Variants in DNAH12 observed in about 807,000 individuals in gnomAD.
The protein encoded by DNAH12 is dynein axonemal heavy chain 12.
In DNAH12, 285 loss-of-function variants were observed where a neutral mutation model predicts 371.5. The observed-to-expected ratio is 0.77, with a 90% CI of 0.70 to 0.85. The LOEUF is 0.85. DNAH12 is among the 40% of genes least tolerant of loss of function. DNAH12 has a pLI of 0.00. For missense variants in DNAH12, 3,611 were observed against 3,689.4 expected, an observed-to-expected ratio of 0.98 and a Z score of 0.55; for synonymous variants, 1,200 against 1,213.0, an observed-to-expected ratio of 0.99 and a Z score of 0.22.
chr3:57,451,288 G>T (rs942178181), intron 25 of DNAH12, among the ~76,000 whole-genome samples: 3 of 152,200 alleles, frequency 2.0e-5, no homozygotes, highest in African/African-American at 7.2e-5. Flanking sequence ...CCCGTAGGAA[G>T]GGTTGCCAGA....
intron 17 of DNAH12, among the ~76,000 whole-genome samples, chr3:57,464,106 C>G (rs1289789532): frequency 6.6e-6 from 1 of 152,008 alleles, no homozygotes; most frequent in Non-Finnish European, 1.5e-5. Context: ...AGTGGACAAC[C>G]AGCTACCCCA....
At chr3:57,300,919 G>C (rs1254334352) in intron 70 of DNAH12, among the ~76,000 whole-genome samples, 3 of 152,000 alleles carry the variant, frequency 2.0e-5, no homozygotes, top group Non-Finnish European at 2.9e-5. Context: ...GTTTATGCTG[G>C]GGGGAGGGCA....
intron 4 of DNAH12, among the ~76,000 whole-genome samples, chr3:57,514,487 T>C (rs919076747): frequency 8.5e-5 from 13 of 152,070 alleles, no homozygotes. Flanking sequence ...ACATACCTGT[T>C]CATTTTTTAA....
intron 59 of DNAH12, among the ~76,000 whole-genome samples, 157 bp from the exon 60 acceptor site, chr3:57,352,382 T>A (rs1412548117): frequency 2.0e-5 from 3 of 152,152 alleles, no homozygotes; most frequent in Non-Finnish European, 4.4e-5. Context: ...GAAATCTGAA[T>A]AAGCTCTATG....
chr3:57,379,901 G>A (rs2063353592), intron 51 of DNAH12, among the ~76,000 whole-genome samples: 1 of 140,348 alleles, frequency 7.1e-6, no homozygotes, highest in Non-Finnish European at 1.5e-5. Flanking sequence ...TGGAAACAAT[G>A]GAAAAGAACA....
chr3:57,350,210 C>CAG (rs1344434737), intron 60 of DNAH12, among the ~76,000 whole-genome samples: 2 of 151,968 alleles, frequency 1.3e-5, no homozygotes, highest in Admixed American at 1.3e-4. Context: ...ATGGGTGCAC[C>CAG]AAAATCTCAG....
chr3:57,471,367 TA>T (rs1014201833), intron 15 of DNAH12, 104 bp downstream of exon 15: 57 of 1,107,850 alleles, frequency 5.1e-5, no homozygotes, highest in African/African-American at 8.3e-5. Context: ...AGAGTAAACA[TA>T]AAAAAATAGT....
chr3:57,368,977 C>T lies in DNAH12; in HGVS notation c.8760-717G>A, dbSNP rs1043293849. Reference sequence around the variant, plus strand: ...ATGCCAGCGCTTTGGGAGGCCAAGACGGGCAGATCACCCGATGTCAGGAGT... The same window carrying T: ...ATGCCAGCGCTTTGGGAGGCCAAGATGGGCAGATCACCCGATGTCAGGAGT... On this transcript the variant is annotated intron_variant, in intron 55 of 73. Transcript: ENST00000495027. Among the ~76,000 whole-genome samples, 1,070 of 151,952 alleles carry T rather than the reference C, an allele frequency of 7.0e-3. 11 individuals carry two copies. The highest frequency in any genetic ancestry group is 0.024 in the African/African-American group (994 of 41,470).
At chr3:57,329,808 A>C (rs993017617) in intron 62 of DNAH12, among the ~76,000 whole-genome samples, 11 of 147,076 alleles carry the variant, frequency 7.5e-5, no homozygotes, top group African/African-American at 2.8e-4. Flanking sequence ...TTCGCAACCT[A>C]CTTATCTGAC....
At chr3:57,482,846 C>G (rs2066792909) in intron 13 of DNAH12, among the ~76,000 whole-genome samples, 1 of 146,570 alleles carries the variant, frequency 6.8e-6, no homozygotes, top group Admixed American at 7.2e-5. Context: ...ACCGCATGTT[C>G]TCACTCATAG....
chr3:57,432,400 G>A (rs2064985178), intron 32 of DNAH12, among the ~76,000 whole-genome samples: 1 of 149,426 alleles, frequency 6.7e-6, no homozygotes, highest in Non-Finnish European at 1.5e-5. Context: ...GGCTGGTCTC[G>A]AACTCCTGAC....
At chr3:57,452,117 A>C (rs981232280) in intron 25 of DNAH12, among the ~76,000 whole-genome samples, 1 of 152,002 alleles carries the variant, frequency 6.6e-6, no homozygotes, top group Non-Finnish European at 1.5e-5. Flanking sequence ...CTTTCTTCTG[A>C]GGAGGTAAGA....
At chr3:57,444,880 T>TC (rs553011688) in intron 28 of DNAH12, 64 bp from the exon 29 acceptor site, 47,037 of 1,475,822 alleles carry the variant, frequency 0.032, 849 homozygotes, top group Non-Finnish European at 0.035. Flanking sequence ...CACTTCTCCC[T>TC]CCCCTCCCAG....
intron 33 of DNAH12, 109 bp from the exon 34 acceptor site, chr3:57,428,930 C>CA (rs2064868876): frequency 2.7e-6 from 3 of 1,128,184 alleles, no homozygotes; most frequent in Admixed American, 5.9e-5. Flanking sequence ...ATCTAGCTCC[C>CA]ATCTGCTTCA....
intron 44 of DNAH12, among the ~76,000 whole-genome samples, 188 bp from the exon 45 acceptor site, chr3:57,392,254 T>C (rs1352846219): frequency 2.6e-5 from 4 of 152,184 alleles, no homozygotes; most frequent in South Asian, 2.1e-4. Flanking sequence ...TCCAAAATTC[T>C]ATAATTTAAA....
intron 69 of DNAH12, among the ~76,000 whole-genome samples, chr3:57,306,336 G>A (rs1478868580): frequency 6.6e-6 from 1 of 152,076 alleles, no homozygotes; most frequent in East Asian, 1.9e-4. Context: ...GGTATTGACG[G>A]CCAGGCTTCT....
chr3:57,451,596 G>A (rs1182644866), intron 25 of DNAH12, among the ~76,000 whole-genome samples: 3 of 152,182 alleles, frequency 2.0e-5, no homozygotes, highest in Admixed American at 6.5e-5. Context: ...CCATGATGGC[G>A]CCACTGCATT....
rs2066157155 is a variant in DNAH12 at position 57,465,006 on chromosome 3, A to C, written c.2350-2131T>G. Among the ~76,000 whole-genome samples the C allele has an allele frequency of 2.0e-5, 3 of 152,218 alleles. No homozygotes were observed. The South Asian group carries it at 6.2e-4, about 31-fold the overall frequency. On this transcript the variant is annotated intron_variant, in intron 17 of 73. Coordinates refer to ENST00000495027, the MANE Select transcript of DNAH12 (RefSeq NM_001366028.2). Reference sequence around the variant, plus strand: ...AATTGGCACAGGACTTGCTTCAGCCAATGTAATATGGGTGGATATGAAGTA... The same window carrying C: ...AATTGGCACAGGACTTGCTTCAGCCCATGTAATATGGGTGGATATGAAGTA...
chr3:57,437,272 TG>T (rs2065158188), intron 29 of DNAH12, among the ~76,000 whole-genome samples: 1 of 152,222 alleles, frequency 6.6e-6, no homozygotes, highest in African/African-American at 2.4e-5. Flanking sequence ...AAGTTATGAA[TG>T]ATCATAGCAT....
Sources: allele counts gnomAD v4.1 joint callset (sites outside exome capture counted in the v4.1 genomes callset), GRCh38; gene constraint gnomAD v4.1.1; transcripts MANE v1.5; gene names NCBI Gene and HGNC (gene_info 2026-07-23, HGNC 2026-07-21).